Variants in LZTS1 observed in about 807,000 individuals in gnomAD.
LZTS1 encodes the protein leucine zipper putative tumor suppressor 1.
A neutral mutation model predicts 45.8 loss-of-function variants in LZTS1; 31 were observed. That is an observed-to-expected ratio of 0.68 (90% confidence interval 0.51 to 0.91). LZTS1 has a LOEUF of 0.91. Ranked by LOEUF, LZTS1 falls within the 40% of genes least tolerant of loss-of-function variation. LZTS1 has a pLI of 0.00. For missense variants in LZTS1, 821 were observed against 788.9 expected (o/e 1.04, Z -0.49); for synonymous variants, 359 against 357.3 (o/e 1.00, Z -0.05).
chr8:20,281,424 T>A (rs988635783), intron 1 of LZTS1, among the ~76,000 whole-genome samples: 12 of 149,054 alleles, frequency 8.1e-5, no homozygotes, highest in Non-Finnish European at 1.6e-4. Context: ...AAAAAAAAAA[T>A]TAGCTGCGCA....
intron 1 of LZTS1, among the ~76,000 whole-genome samples, chr8:20,258,175 C>G (rs1800149728): frequency 6.6e-6 from 1 of 152,094 alleles, no homozygotes; most frequent in Non-Finnish European, 1.5e-5. Flanking sequence ...ATTTCTTAGT[C>G]AAAAGACAGA....
At chr8:20,250,473 G>T in intron 3 of LZTS1, 110 bp from the exon 4 acceptor site, 1 of 1,058,612 alleles carries the variant, frequency 9.4e-7, no homozygotes, top group Non-Finnish European at 1.3e-6. Context: ...CGGTGGCCCG[G>T]TGTTAGGCAT....
At position 20,253,209 on chromosome 8, in the gene LZTS1, T is replaced by G; in HGVS notation, c.722A>C (p.His241Pro). The G allele has an allele frequency of 1.2e-6, 2 of 1,613,716 alleles. No homozygotes were observed. Among genetic ancestry groups the G allele is most frequent in the Non-Finnish European group, 1.7e-6 (2 of 1,180,016 alleles). ...SFSDGGSKLG[H>P]SNKADKGPSC... is the part of the protein sequence containing the mutation. Reference sequence around the variant, plus strand: ...GGGGCCCTTGTCTGCCTTGTTCGAGTGGCCCAGCTTGCTACCTCCGTCGGA... The same window carrying G: ...GGGGCCCTTGTCTGCCTTGTTCGAGGGGCCCAGCTTGCTACCTCCGTCGGA... Residue 241 changes from histidine (H) to proline (P), a missense_variant, in exon 3 of 4, where the codon CAC (histidine) becomes CCC (proline). By Grantham distance (77) the His-to-Pro change is moderately conservative. Coordinates refer to ENST00000381569, the MANE Select transcript of LZTS1 (RefSeq NM_021020.5).
At chr8:20,261,371 A>G (rs1800224757) in intron 1 of LZTS1, among the ~76,000 whole-genome samples, 1 of 152,174 alleles carries the variant, frequency 6.6e-6, no homozygotes, top group Admixed American at 6.5e-5. Flanking sequence ...ATCTGGCCCC[A>G]GGACCAGTCC....
rs527759585 is a variant in LZTS1, at chr8:20,251,098, AATATATATATATAT to A, written c.1150-749_1150-736del. Among the ~76,000 whole-genome samples the A allele has an allele frequency of 9.7e-4, 40 of 41,396 alleles. 1 individual carries two copies. The highest frequency in any genetic ancestry group is 4.0e-3 in the East Asian group (5 of 1,242). 27.2% of individuals were successfully genotyped at this position (41,396 alleles called of 152,430 possible). A position where few individuals can be genotyped will look rare whatever the true frequency, so the allele number is the denominator to read the frequency against. ...TGGTGAAGTGACCAGCCTGAGGGCT[AATATATATATATAT>A]ATATATATATATATATATATATATA... On this transcript the variant is annotated intron_variant, in intron 3 of 3. Coordinates refer to ENST00000381569, the MANE Select transcript of LZTS1 (RefSeq NM_021020.5).
At chr8:20,301,615 A>C (rs1048006138) in intron 1 of LZTS1, among the ~76,000 whole-genome samples, 5 of 152,178 alleles carry the variant, frequency 3.3e-5, no homozygotes, top group Non-Finnish European at 7.3e-5. Context: ...AGTTTTCAGG[A>C]TTAGAAAGCC....
chr8:20,293,225 G>T (rs557945966), intron 1 of LZTS1, among the ~76,000 whole-genome samples: 1 of 152,120 alleles, frequency 6.6e-6, no homozygotes, highest in African/African-American at 2.4e-5. Flanking sequence ...GCTCTAGGCC[G>T]CCCCTCTGCC....
chr8:20,275,100 C>G (rs1458479170), intron 1 of LZTS1, among the ~76,000 whole-genome samples: 1 of 152,072 alleles, frequency 6.6e-6, no homozygotes, highest in Non-Finnish European at 1.5e-5. Flanking sequence ...AACTCATTAA[C>G]TGGGGACAGA....
At chr8:20,254,164 C>T (rs1375326451) in intron 2 of LZTS1, among the ~76,000 whole-genome samples, 2 of 152,170 alleles carry the variant, frequency 1.3e-5, no homozygotes, top group African/African-American at 4.8e-5. Context: ...TAAATCAAAG[C>T]CGGGGATTCA....
At chr8:20,270,618 A>G (rs1460513555) in intron 1 of LZTS1, among the ~76,000 whole-genome samples, 1 of 152,146 alleles carries the variant, frequency 6.6e-6, no homozygotes, top group Non-Finnish European at 1.5e-5. Flanking sequence ...TGGTTTGGAC[A>G]GGGAAGAGGG....
At chr8:20,288,380 G>A (rs1029855242) in intron 1 of LZTS1, among the ~76,000 whole-genome samples, 1 of 152,176 alleles carries the variant, frequency 6.6e-6, no homozygotes, top group African/African-American at 2.4e-5. Flanking sequence ...TCTGGCCAGA[G>A]GCGATGCGCA....
At chr8:20,280,664 G>T (rs1174648199) in intron 1 of LZTS1, among the ~76,000 whole-genome samples, 3 of 152,210 alleles carry the variant, frequency 2.0e-5, no homozygotes, top group Non-Finnish European at 4.4e-5. Context: ...AGGAGAATTG[G>T]TGGGCACAGC....
chr8:20,282,067 A>G (rs1371404248), intron 1 of LZTS1, among the ~76,000 whole-genome samples: 1 of 151,986 alleles, frequency 6.6e-6, no homozygotes, highest in African/African-American at 2.4e-5. Context: ...TCCCACCACC[A>G]AGCCTTCCAA....
chr8:20,253,478 G>A lies in LZTS1; in HGVS notation c.453C>T (p.Pro151=), dbSNP rs761449981. ...GCTCCTTGGGCTTGTCTGGAGGGGC[G>A]GGGTGCAGCTGGTGGCTGGCACTCT... ...SPESASHQLH[P]APPDKPKEQE... Residue 151 remains proline, a synonymous_variant, in exon 3 of 4, where the codon CCC becomes CCT. Transcript: ENST00000381569. The A allele has an allele frequency of 2.6e-5, 41 of 1,602,328 alleles. No homozygotes were observed. Among genetic ancestry groups the A allele is most frequent in the South Asian group, 2.4e-4 (22 of 89,802 alleles).
At chr8:20,297,330 A>T (rs1391583843) in intron 1 of LZTS1, among the ~76,000 whole-genome samples, 1 of 152,244 alleles carries the variant, frequency 6.6e-6, no homozygotes, top group Non-Finnish European at 1.5e-5. Context: ...GAAAGAACTG[A>T]CATATGATAA....
intron 1 of LZTS1, among the ~76,000 whole-genome samples, chr8:20,299,995 G>A (rs1801047862): frequency 1.3e-5 from 2 of 152,210 alleles, no homozygotes; most frequent in Non-Finnish European, 2.9e-5. Context: ...AAAACCCCAG[G>A]TCTAGGTCAC....
At position 20,290,747 on chromosome 8, in the gene LZTS1, C is replaced by A. The variant is rs185247561; in HGVS notation, c.-135+12993G>T. On this transcript the variant is annotated intron_variant, in intron 1 of 3. Coordinates refer to ENST00000381569, the MANE Select transcript of LZTS1 (RefSeq NM_021020.5). The stretch of plus-strand genomic sequence containing the variant: ...TCATTTTATTTGTTTTTCTTTCTCT[C>A]CCTTTCCTGACCTTTTGTGCTACAT... Among the ~76,000 whole-genome samples, 9 of 152,328 alleles carry A rather than the reference C, an allele frequency of 5.9e-5. No homozygotes were observed. In the East Asian group the frequency reaches 1.7e-3, roughly 29 times the overall value.
chr8:20,276,942 T>C (rs1454345473), intron 1 of LZTS1, among the ~76,000 whole-genome samples: 8 of 152,190 alleles, frequency 5.3e-5, no homozygotes, highest in Admixed American at 5.2e-4. Context: ...AGGGTAAGCA[T>C]GTCAGAGGCA....
chr8:20,300,486 C>T (rs189068620), intron 1 of LZTS1, among the ~76,000 whole-genome samples: 150 of 152,184 alleles, frequency 9.9e-4, no homozygotes, highest in Non-Finnish European at 1.4e-3. Context: ...GTGCCCGCCA[C>T]GACGCCCGGC....
Sources: allele counts gnomAD v4.1 joint callset (sites outside exome capture counted in the v4.1 genomes callset), GRCh38; gene constraint gnomAD v4.1.1; transcripts MANE v1.5; gene names NCBI Gene and HGNC (gene_info 2026-07-23, HGNC 2026-07-21).